The following ADAMTS9 variants were observed in gnomAD, a reference collection of about 807,000 sequenced individuals.
ADAMTS9 encodes A disintegrin and metalloproteinase with thrombospondin motifs 9.
Under a neutral mutation model 257.1 loss-of-function variants are expected in ADAMTS9, and 107 were observed. That is an observed-to-expected ratio of 0.42 (90% CI 0.36 to 0.49). ADAMTS9 has a LOEUF of 0.49. ADAMTS9 is among the 20% of genes least tolerant of loss of function. The pLI, the probability that ADAMTS9 is intolerant of heterozygous loss-of-function variation, is 0.03. For missense variants in ADAMTS9, 2,353 were observed against 2,469.1 expected, an observed-to-expected ratio of 0.95 and a Z score of 1.00; for synonymous variants, 982 against 880.9, an observed-to-expected ratio of 1.11 and a Z score of -2.03.
intron 8 of ADAMTS9, among the ~76,000 whole-genome samples, chr3:64,652,543 G>A (rs1700955666): frequency 6.6e-6 from 1 of 151,986 alleles, no homozygotes; most frequent in Non-Finnish European, 1.5e-5. Context: ...CCCCAGATGA[G>A]GTTTATTCCC....
chr3:64,680,036 G>T (rs1174990245), intron 3 of ADAMTS9, among the ~76,000 whole-genome samples: 2 of 152,190 alleles, frequency 1.3e-5, no homozygotes, highest in African/African-American at 4.8e-5. Context: ...AAAGCCAAAA[G>T]ACCTACAATG....
At chr3:64,564,517 A>T (rs574719652) in intron 29 of ADAMTS9, among the ~76,000 whole-genome samples, 2 of 152,304 alleles carry the variant, frequency 1.3e-5, no homozygotes, top group African/African-American at 4.8e-5. Flanking sequence ...TAATAACACA[A>T]ACTTTTACTA....
In ADAMTS9 at chr3:64,651,119, CCTT is replaced by C. The variant is rs980213295; in HGVS notation, c.1358_1360del (p.Glu453del). 17 of 1,598,562 alleles carry C rather than the reference CCTT, an allele frequency of 1.1e-5. No homozygotes were observed. Among genetic ancestry groups the C allele is most frequent in the Non-Finnish European group, 1.4e-5 (17 of 1,174,664 alleles). ...CATGACATGCTGGGGACTCTTAACT[CCTT>C]CTTCTTTACATTTGTTGTTGTCATC... On this transcript the variant is annotated inframe_deletion, in exon 9 of 40. Transcript: ENST00000498707.
chr3:64,646,255 G>T (rs550018475), intron 11 of ADAMTS9, among the ~76,000 whole-genome samples: 1 of 152,300 alleles, frequency 6.6e-6, no homozygotes, highest in African/African-American at 2.4e-5. Flanking sequence ...TAGGTATCAT[G>T]TTTATTGTCA....
chr3:64,567,967 C>T (rs1228752142), intron 29 of ADAMTS9, among the ~76,000 whole-genome samples: 2 of 152,164 alleles, frequency 1.3e-5, no homozygotes, highest in East Asian at 1.9e-4. Context: ...ACAGCCCTTT[C>T]TTCAAGAACC....
chr3:64,541,702 G>T, intron 33 of ADAMTS9, 82 bp from the exon 34 acceptor site: 2 of 1,552,332 alleles, frequency 1.3e-6, no homozygotes, highest in Non-Finnish European at 1.8e-6. Flanking sequence ...GACATTGTTC[G>T]CACTAAAACT....
intron 31 of ADAMTS9, chr3:64,550,601 T>A: frequency 2.7e-6 from 1 of 372,898 alleles, no homozygotes; most frequent in East Asian, 4.9e-5. Context: ...ATCCTATGAG[T>A]TTGCAGCCCC....
intron 23 of ADAMTS9, 141 bp downstream of exon 23, chr3:64,606,819 G>C (rs2084563930): frequency 1.9e-6 from 2 of 1,027,578 alleles, no homozygotes; most frequent in Admixed American, 4.8e-5. Flanking sequence ...GTAACATACA[G>C]GTAAATCTGG....
chr3:64,603,281 T>C (rs938183667), intron 25 of ADAMTS9, among the ~76,000 whole-genome samples: 1 of 152,204 alleles, frequency 6.6e-6, no homozygotes, highest in African/African-American at 2.4e-5. Context: ...TTTCTCTCTC[T>C]ATATTATGAT....
At chr3:64,612,628 A>G (rs1398555133) in intron 22 of ADAMTS9, among the ~76,000 whole-genome samples, 1 of 152,148 alleles carries the variant, frequency 6.6e-6, no homozygotes, top group Non-Finnish European at 1.5e-5. Context: ...GAGATTACGC[A>G]AGTGACAGCA....
chr3:64,563,033 A>G (rs2106655060), intron 29 of ADAMTS9: 1 of 152,334 alleles, frequency 6.6e-6, no homozygotes, highest in African/African-American at 2.4e-5. Context: ...ATTTTGGATC[A>G]ACATAGCTAC....
chr3:64,584,085 T>G (rs1239970888), intron 28 of ADAMTS9: 1 of 152,108 alleles, frequency 6.6e-6, no homozygotes, highest in East Asian at 1.9e-4. Flanking sequence ...AAAGGACACA[T>G]ACCAAGGCAG....
At chr3:64,542,430 C>CT (rs56812239) in intron 32 of ADAMTS9, among the ~76,000 whole-genome samples, 4 of 124,538 alleles carry the variant, frequency 3.2e-5, no homozygotes, top group African/African-American at 1.2e-4. Context: ...TTCTTTCTTT[C>CT]TTTTTTTTTT....
At chr3:64,665,857 A>G (rs1701343559) in intron 3 of ADAMTS9, among the ~76,000 whole-genome samples, 1 of 152,216 alleles carries the variant, frequency 6.6e-6, no homozygotes, top group South Asian at 2.1e-4. Flanking sequence ...AAATGGGCAT[A>G]TAAATACTTG....
chr3:64,580,448 C>T (rs1175183099), intron 28 of ADAMTS9, among the ~76,000 whole-genome samples: 1 of 152,184 alleles, frequency 6.6e-6, no homozygotes, highest in Non-Finnish European at 1.5e-5. Flanking sequence ...CCCACGAAGT[C>T]TAACTCTTAT....
intron 28 of ADAMTS9, among the ~76,000 whole-genome samples, chr3:64,572,007 A>G (rs2083697708): frequency 6.6e-6 from 1 of 152,180 alleles, no homozygotes; most frequent in South Asian, 2.1e-4. Flanking sequence ...TACACATCTG[A>G]TAGTTCTTGC....
intron 37 of ADAMTS9, among the ~76,000 whole-genome samples, chr3:64,537,952 G>A (rs529487863): frequency 1.3e-5 from 2 of 152,288 alleles, no homozygotes; most frequent in South Asian, 4.1e-4. Flanking sequence ...AACTTGCCAC[G>A]CCTCTCTCAG....
At chr3:64,601,860 T>C in intron 26 of ADAMTS9, 84 bp downstream of exon 26, 3 of 1,464,946 alleles carry the variant, frequency 2.0e-6, no homozygotes, top group Non-Finnish European at 2.7e-6. Context: ...GAAAAAAATA[T>C]GCTCTAAAGG....
Position 64,687,551 on chromosome 3 carries a change from G to T in ADAMTS9, c.107C>A (p.Pro36Gln). The change falls in exon 1 of 40, where the codon CCG becomes CAG. Residue 36 changes from proline to glutamine, a missense_variant. Transcript: ENST00000498707. The surrounding 1 kb of genome is among the most constrained non-coding windows in gnomAD (Gnocchi z 4.4). ...AAAVRKDRLH[P>Q]RQVKLLETLS... ...GGCCGGAGCCTGGTTACCTTGCCTC[G>T]GGTGCAGCCTGTCCTTGCGCACGGC... The T allele has an allele frequency of 1.9e-6, 3 of 1,541,356 alleles. No homozygotes were observed. Among genetic ancestry groups the T allele is most frequent in the South Asian group, 1.2e-5 (1 of 83,416 alleles).
Sources: allele counts gnomAD v4.1 joint callset (sites outside exome capture counted in the v4.1 genomes callset), GRCh38; gene constraint gnomAD v4.1.1; non-coding constraint Gnocchi (gnomAD v3.1); transcripts MANE v1.5; gene names NCBI Gene and HGNC (gene_info 2026-07-23, HGNC 2026-07-21).